KLHL14: variants seen among roughly 807,000 people sequenced by gnomAD.
KLHL14 encodes kelch-like protein 14.
Under a neutral mutation model 64.3 loss-of-function variants are expected in KLHL14, and 22 were observed. That is an observed-to-expected ratio of 0.34 (90% CI 0.24 to 0.49). The LOEUF (loss-of-function observed/expected upper bound fraction) is 0.49, where lower values mean the gene tolerates loss of function less well. Ranked by LOEUF, KLHL14 falls within the 20% of genes least tolerant of loss-of-function variation. The probability of loss-of-function intolerance (pLI) is 0.99; values close to 1 mark genes in which losing one functional copy is unlikely to be tolerated. For synonymous variants in KLHL14, 322 were observed against 333.4 expected (o/e 0.97, Z 0.37); for missense variants, 661 against 789.0 (o/e 0.84, Z 1.94).
intron 2 of KLHL14, among the ~76,000 whole-genome samples, chr18:32,751,790 G>T (rs2050253630): frequency 6.6e-6 from 1 of 152,212 alleles, no homozygotes; most frequent in Non-Finnish European, 1.5e-5. Flanking sequence ...CATAGTAGGT[G>T]CTCAATAAAT....
chr18:32,703,838 T>G (rs2049977505), intron 3 of KLHL14, among the ~76,000 whole-genome samples: 1 of 152,220 alleles, frequency 6.6e-6, no homozygotes, highest in Non-Finnish European at 1.5e-5. Context: ...TGTAGTTTTA[T>G]TTTTACTTTT....
Position 32,683,222 on chromosome 18 carries a change from C to G in KLHL14, c.1239-2623G>C, listed in dbSNP as rs147216144. Among the ~76,000 whole-genome samples the G allele has an allele frequency of 9.9e-5, 15 of 152,206 alleles. No individual in the cohort carries two copies. The highest frequency in any genetic ancestry group is 3.6e-4 in the African/African-American group (15 of 41,522). The stretch of plus-strand genomic sequence containing the variant: ...CCAAGGCGTTCTTCATGCGACACTT[C>G]GTGTGTACTCCTAGCTTTATCCACA... On this transcript the variant is annotated intron_variant, in intron 5 of 8. Coordinates refer to ENST00000359358, the MANE Select transcript of KLHL14 (RefSeq NM_020805.3). The surrounding 1 kb of genome is among the most constrained non-coding windows in gnomAD (Gnocchi z 4.2).
intron 3 of KLHL14, among the ~76,000 whole-genome samples, chr18:32,702,948 G>C (rs1007137525): frequency 6.6e-6 from 1 of 152,214 alleles, no homozygotes; most frequent in Non-Finnish European, 1.5e-5. Flanking sequence ...AGAACGAAGA[G>C]AGCTTGTCTC....
At chr18:32,681,041 G>C (rs1315709939) in intron 5 of KLHL14, among the ~76,000 whole-genome samples, 1 of 152,020 alleles carries the variant, frequency 6.6e-6, no homozygotes, top group Non-Finnish European at 1.5e-5. Context: ...CAATTTATAA[G>C]AGAACTACAT....
intron 2 of KLHL14, among the ~76,000 whole-genome samples, chr18:32,748,523 T>C (rs1025158859): frequency 3.1e-4 from 47 of 152,112 alleles, no homozygotes; most frequent in African/African-American, 7.2e-4. Flanking sequence ...GCGCCCGCCA[T>C]CACGCCTGGC....
intron 2 of KLHL14, among the ~76,000 whole-genome samples, chr18:32,763,070 C>A (rs2050322659): frequency 6.6e-6 from 1 of 150,834 alleles, no homozygotes; most frequent in Admixed American, 6.6e-5. Context: ...CACAGAAATC[C>A]AGGGAAACCA....
intron 3 of KLHL14, among the ~76,000 whole-genome samples, chr18:32,717,009 T>G (rs2050049485): frequency 6.6e-6 from 1 of 152,188 alleles, no homozygotes; most frequent in Non-Finnish European, 1.5e-5. Flanking sequence ...GATTGAAATA[T>G]CCTCTCTCTC....
intron 2 of KLHL14, among the ~76,000 whole-genome samples, chr18:32,749,036 C>G (rs1267219016): frequency 6.6e-6 from 1 of 152,160 alleles, no homozygotes; most frequent in Non-Finnish European, 1.5e-5. Flanking sequence ...GCAGGTTTGA[C>G]AAGCAGGTGG....
In KLHL14 at chr18:32,680,443, C is replaced by T. The variant is rs199582166; in HGVS notation, c.1395G>A (p.Ala465=). The T allele has an allele frequency of 5.3e-5, 86 of 1,613,878 alleles. No homozygotes were observed. The highest frequency in any genetic ancestry group is 1.7e-4 in the Admixed American group (10 of 59,982). The part of the protein sequence containing the change: ...SSLPQPLAAH[A]GAVHNGKIYI... Reference sequence around the variant, plus strand: ...ATATTTTCCCATTGTGCACTGCTCCCGCATGAGCCGCCAGAGGCTGTGGCA... The same window carrying T: ...ATATTTTCCCATTGTGCACTGCTCCTGCATGAGCCGCCAGAGGCTGTGGCA... Residue 465 remains alanine, a synonymous_variant, in exon 6 of 9, where the codon GCG becomes GCA. Coordinates refer to ENST00000359358, the MANE Select transcript of KLHL14 (RefSeq NM_020805.3). This position sits in a 1 kb window ranked among gnomAD's most constrained non-coding sequence, Gnocchi z 4.8.
intron 3 of KLHL14, among the ~76,000 whole-genome samples, chr18:32,709,451 ATT>A (rs11392963): frequency 2.0e-5 from 3 of 147,548 alleles, no homozygotes; most frequent in Non-Finnish European, 4.5e-5. Flanking sequence ...TACCTTTAGA[ATT>A]TTTTTTTTTT....
At chr18:32,724,362 G>C (rs570232151) in intron 3 of KLHL14, among the ~76,000 whole-genome samples, 1 of 152,186 alleles carries the variant, frequency 6.6e-6, no homozygotes, top group South Asian at 2.1e-4. Flanking sequence ...TACCCAGAGT[G>C]GTGATGAGGA....
intron 2 of KLHL14, among the ~76,000 whole-genome samples, chr18:32,755,126 T>C (rs2050275358): frequency 6.6e-6 from 1 of 152,042 alleles, no homozygotes; most frequent in African/African-American, 2.4e-5. Flanking sequence ...CAGTTCTTTC[T>C]GTTCTTTGCT....
chr18:32,696,117 C>T (rs1302308056), intron 3 of KLHL14, among the ~76,000 whole-genome samples: 2 of 152,132 alleles, frequency 1.3e-5, no homozygotes, highest in East Asian at 1.9e-4. Flanking sequence ...CAAATGTATA[C>T]GCTTAATATC....
chr18:32,708,236 G>A (rs562699398), intron 3 of KLHL14, among the ~76,000 whole-genome samples: 11 of 152,160 alleles, frequency 7.2e-5, no homozygotes, highest in South Asian at 2.1e-4. Flanking sequence ...GCCAATGTGC[G>A]TATCTTTCCT....
intron 4 of KLHL14, among the ~76,000 whole-genome samples, chr18:32,693,988 G>T (rs1281846280): frequency 1.5e-5 from 2 of 137,528 alleles, no homozygotes; most frequent in African/African-American, 5.6e-5. Flanking sequence ...GTTTTGTTTT[G>T]TTTTGTTTTT....
chr18:32,700,499 A>G (rs2049960380), intron 3 of KLHL14, among the ~76,000 whole-genome samples: 1 of 152,190 alleles, frequency 6.6e-6, no homozygotes. Context: ...TTCTTTCCAG[A>G]GACATTATAT....
intron 3 of KLHL14, chr18:32,737,618 T>G (rs1214340776): frequency 6.6e-6 from 1 of 152,168 alleles, no homozygotes; most frequent in Non-Finnish European, 1.5e-5. Flanking sequence ...CCACCAGCTT[T>G]CTGATCTTTG....
At chr18:32,734,161 T>C (rs1243287393) in intron 3 of KLHL14, 1 of 702,894 alleles carries the variant, frequency 1.4e-6, no homozygotes, top group Non-Finnish European at 2.6e-6. Context: ...CATTGTGTTG[T>C]TTGAAAATTC....
chr18:32,682,829 T>A (rs2049849230), intron 5 of KLHL14, among the ~76,000 whole-genome samples: 1 of 152,160 alleles, frequency 6.6e-6, no homozygotes, highest in African/African-American at 2.4e-5. Context: ...TAAAACATAT[T>A]TTTTTTCCAA....
Sources: gnomAD v4.1 joint callset for allele counts (sites outside exome capture counted in the v4.1 genomes callset) on GRCh38, gnomAD v4.1.1 for gene constraint, Gnocchi (gnomAD v3.1) non-coding constraint, MANE v1.5 for transcripts, NCBI Gene and HGNC (gene_info 2026-07-23, HGNC 2026-07-21) for gene names.